Variants in PLA2G4E observed in about 807,000 individuals in gnomAD.
PLA2G4E encodes the protein cytosolic phospholipase A2 epsilon.
Under a neutral mutation model 109.1 loss-of-function variants are expected in PLA2G4E, and 84 were observed. That is an observed-to-expected ratio of 0.77 (90% CI 0.65 to 0.92). PLA2G4E has a LOEUF of 0.92. Ranked by LOEUF, PLA2G4E falls within the 40% of genes least tolerant of loss-of-function variation. The pLI is 0.00. For missense variants in PLA2G4E, 1,057 were observed against 1,076.6 expected (o/e 0.98, Z 0.25); for synonymous variants, 469 against 436.1 (o/e 1.08, Z -0.94).
intron 1 of PLA2G4E, among the ~76,000 whole-genome samples, chr15:42,033,719 A>G (rs1889156963): frequency 6.6e-6 from 1 of 152,102 alleles, no homozygotes; most frequent in African/African-American, 2.4e-5. Context: ...GTCTGTGAGG[A>G]GCAGGAGAGG....
At chr15:41,987,449 T>C in intron 16 of PLA2G4E, 74 bp from the exon 17 acceptor site, 1 of 1,426,688 alleles carries the variant, frequency 7.0e-7, no homozygotes, top group Non-Finnish European at 9.7e-7. Flanking sequence ...AAGCCCCACA[T>C]GGTTGCCTGG....
chr15:42,036,747 G>A (rs1211911476), intron 1 of PLA2G4E, among the ~76,000 whole-genome samples: 2 of 152,154 alleles, frequency 1.3e-5, no homozygotes, highest in Admixed American at 1.3e-4. Flanking sequence ...AAGGAGGGGC[G>A]GATGGAGCTG....
intron 14 of PLA2G4E, 57 bp downstream of exon 14, chr15:41,990,063 GC>G: frequency 1.4e-6 from 2 of 1,398,076 alleles, no homozygotes. Flanking sequence ...GGGTGCTTTT[GC>G]CCACCAAGAA....
intron 1 of PLA2G4E, among the ~76,000 whole-genome samples, chr15:42,046,117 A>C (rs1164206267): frequency 6.6e-6 from 1 of 151,984 alleles, no homozygotes; most frequent in East Asian, 1.9e-4. Context: ...ACCACCCCTA[A>C]CCAAGCCACC....
exon 19 of PLA2G4E, chr15:41,984,490 T>A: frequency 6.2e-7 from 1 of 1,613,936 alleles, no homozygotes. Context: ...AAAGTCACGA[T>A]GGGGGCATCG....
At chr15:42,004,897 G>A (rs753520270) in intron 5 of PLA2G4E, 41 bp downstream of exon 5, 3 of 1,601,774 alleles carry the variant, frequency 1.9e-6, no homozygotes, top group Non-Finnish European at 2.5e-6. Flanking sequence ...GCTACTTGAT[G>A]GCCAGGACCT....
rs139402697 is a variant in PLA2G4E, at chr15:42,037,037, G to A, written c.183+13484C>T. ...AGTGCTGGTATGCCAGCCCCCTGCC[G>A]CTTCAGCCCCCTCCAGACTTTGGGT... is the stretch of plus-strand genomic sequence containing the variant. On this transcript the variant is annotated intron_variant, in intron 1 of 19. Coordinates refer to ENST00000399518, the Ensembl canonical transcript of PLA2G4E. Among the ~76,000 whole-genome samples the A allele has an allele frequency of 1.1e-4, 17 of 152,348 alleles. No individual in the cohort carries two copies. In the East Asian group the frequency reaches 3.1e-3, roughly 28 times the overall value.
At chr15:41,987,304 C>T in exon 17 of PLA2G4E, 1 of 1,614,008 alleles carries the variant, frequency 6.2e-7, no homozygotes, top group Non-Finnish European at 8.5e-7. Flanking sequence ...AGCCATGACC[C>T]TGGGATCACT....
At chr15:42,007,975 T>C in intron 2 of PLA2G4E, 110 bp from the exon 3 acceptor site, 1 of 1,203,996 alleles carries the variant, frequency 8.3e-7, no homozygotes, top group Non-Finnish European at 1.2e-6. Flanking sequence ...TCAGCTCCAG[T>C]TCCTCTCCTC....
At chr15:42,040,123 G>A (rs1294603589) in intron 1 of PLA2G4E, among the ~76,000 whole-genome samples, 1 of 152,018 alleles carries the variant, frequency 6.6e-6, no homozygotes, top group Non-Finnish European at 1.5e-5. Flanking sequence ...ATTGCTTGAG[G>A]CCAGGAGTTC....
intron 1 of PLA2G4E, among the ~76,000 whole-genome samples, chr15:42,034,294 G>A (rs966893445): frequency 5.3e-5 from 8 of 152,176 alleles, no homozygotes; most frequent in Non-Finnish European, 7.3e-5. Context: ...GTACTCCTAG[G>A]CTTTGTAATT....
At chr15:41,994,303 C>CGG (rs11369248) in intron 12 of PLA2G4E, among the ~76,000 whole-genome samples, 101 of 152,060 alleles carry the variant, frequency 6.6e-4, no homozygotes, top group African/African-American at 1.1e-3. Flanking sequence ...CTCTGCCCCC[C>CGG]GGGGGGGTGT....
At position 42,043,228 on chromosome 15, in the gene PLA2G4E, T is replaced by C. The variant is rs912948026; in HGVS notation, c.183+7293A>G. On this transcript the variant is annotated intron_variant, in intron 1 of 19. Coordinates refer to ENST00000399518, the Ensembl canonical transcript of PLA2G4E. ...CTCACCCTGTCAGCTGCTGGAAGCA[T>C]GTGGGAGAGGCCTTCCGGAGGCCAG... Among the ~76,000 whole-genome samples the C allele has an allele frequency of 3.9e-5, 6 of 152,196 alleles. No homozygotes were observed. The South Asian group carries it at 1.2e-3, about 32-fold the overall frequency.
chr15:41,990,357 CTGTA>C, intron 13 of PLA2G4E, 122 bp from the exon 14 acceptor site: 2 of 828,764 alleles, frequency 2.4e-6, no homozygotes, highest in Non-Finnish European at 3.9e-6. Context: ...CACCGGGCTG[CTGTA>C]TCGGCCCCAG....
intron 13 of PLA2G4E, among the ~76,000 whole-genome samples, chr15:41,991,092 G>A (rs76121451): frequency 2.2e-4 from 34 of 152,318 alleles, no homozygotes; most frequent in African/African-American, 8.2e-4. Context: ...GGGCATCACA[G>A]AGCCCACTGT....
At chr15:42,027,200 C>T (rs1472763350) in intron 1 of PLA2G4E, among the ~76,000 whole-genome samples, 1 of 152,148 alleles carries the variant, frequency 6.6e-6, no homozygotes. Context: ...GCAGGAAACA[C>T]TGGTAAATCT....
intron 1 of PLA2G4E, among the ~76,000 whole-genome samples, chr15:42,020,254 T>C (rs2068635694): frequency 6.6e-6 from 1 of 152,224 alleles, no homozygotes; most frequent in Non-Finnish European, 1.5e-5. Flanking sequence ...GGAAAGGTAA[T>C]GAGGAAGAAG....
intron 1 of PLA2G4E, among the ~76,000 whole-genome samples, chr15:42,026,859 G>T (rs2068696856): frequency 6.6e-6 from 1 of 151,884 alleles, no homozygotes; most frequent in Non-Finnish European, 1.5e-5. Context: ...TAGAATCCCA[G>T]CTACTCAGGA....
At chr15:42,016,918 C>A (rs559713453) in intron 1 of PLA2G4E, among the ~76,000 whole-genome samples, 14 of 152,356 alleles carry the variant, frequency 9.2e-5, no homozygotes, top group Admixed American at 9.1e-4. Flanking sequence ...GCTGGAGACA[C>A]AGCTGTGGCC....
Sources: allele counts gnomAD v4.1 joint callset (sites outside exome capture counted in the v4.1 genomes callset), GRCh38; gene constraint gnomAD v4.1.1; transcripts MANE v1.5; gene names NCBI Gene and HGNC (gene_info 2026-07-23, HGNC 2026-07-21).